LILRB4: variants seen among roughly 807,000 people sequenced by gnomAD.
LILRB4 encodes the protein leukocyte immunoglobulin-like receptor subfamily B member 4.
A neutral mutation model predicts 55.2 loss-of-function variants in LILRB4; 49 were observed. The observed-to-expected ratio is 0.89, with a 90% confidence interval of 0.71 to 1.13. The LOEUF is 1.13. Among genes scored for constraint, LILRB4 ranks in the 50% most tolerant of loss-of-function variants. LILRB4 has a pLI of 0.00. For synonymous variants in LILRB4, 229 were observed against 213.8 expected (o/e 1.07, Z -0.62); for missense variants, 590 against 555.2 (o/e 1.06, Z -0.63).
In LILRB4 at chr19:54,666,161, T is replaced by C. The variant is rs185929341; in HGVS notation, c.875-79T>C. ...ATCCTTGCAAGTGTATTTTCAGGTT[T>C]CCTTTCCTCTTGACTTGCATGTGCA... On this transcript the variant is annotated intron_variant, in intron 7 of 11. Coordinates refer to ENST00000430952, the Ensembl canonical transcript of LILRB4. This position sits in a 1 kb window ranked among gnomAD's most constrained non-coding sequence, Gnocchi z 4.8. 1 of 1,404,572 alleles carries C rather than the reference T, an allele frequency of 7.1e-7. No homozygotes were observed. Among genetic ancestry groups the C allele is most frequent in the Non-Finnish European group, 9.7e-7 (1 of 1,030,442 alleles). The allele number at this position is 1,404,572 out of a possible 1,614,324, so 87.0% of individuals were successfully genotyped here.
rs2065302329 is a variant in LILRB4, at chr19:54,666,981, G to A, written c.1041+232G>A. 1 of 707,454 alleles carries A rather than the reference G, an allele frequency of 1.4e-6. No homozygotes were observed. The highest frequency in any genetic ancestry group is 2.6e-6 in the Non-Finnish European group (1 of 380,420). 43.8% of individuals were successfully genotyped at this position (707,454 alleles called of 1,614,324 possible). A position where few individuals can be genotyped will look rare whatever the true frequency, so the allele number is the denominator to read the frequency against. ...TCCTCATCCTCTGTTTGGCCATCTG[G>A]TTGTTAGAGAGCTCCCCAGGCCTCA... On this transcript the variant is annotated intron_variant, in intron 10 of 11. Transcript: ENST00000430952. This position sits in a 1 kb window ranked among gnomAD's most constrained non-coding sequence, Gnocchi z 4.8.
At chr19:54,664,963 G>C (rs1053415760) in intron 5 of LILRB4, 114 bp downstream of exon 5, 2 of 1,369,928 alleles carry the variant, frequency 1.5e-6, no homozygotes, top group Non-Finnish European at 2.1e-6. Context: ...GCTTCCACGG[G>C]TGTGGGAGTC....
In LILRB4 at chr19:54,663,527, T is replaced by C. The variant is rs774292600; in HGVS notation, c.35-5T>C. ...GCAAATCCCTCACAGGGAACTCTCTTCCAGGGCTGAGTCTGGGCCCCAGGA... is the reference window on the plus strand; with the variant it reads ...GCAAATCCCTCACAGGGAACTCTCTCCCAGGGCTGAGTCTGGGCCCCAGGA... On this transcript the variant is annotated splice_region_variant and splice_polypyrimidine_tract_variant and intron_variant, in intron 1 of 11. Coordinates refer to ENST00000430952, the Ensembl canonical transcript of LILRB4. The C allele has an allele frequency of 2.5e-6, 4 of 1,612,004 alleles. No individual in the cohort carries two copies. In the Admixed American group the frequency reaches 5.0e-5, roughly 20 times the overall value.
Position 54,665,720 on chromosome 19 carries a change from A to G in LILRB4, c.758-95A>G, listed in dbSNP as rs2065233423. 1 of 1,386,626 alleles carries G rather than the reference A, an allele frequency of 7.2e-7. No individual in the cohort carries two copies. 85.9% of individuals were successfully genotyped at this position (1,386,626 alleles called of 1,614,324 possible). On this transcript the variant is annotated intron_variant, in intron 6 of 11. Transcript: ENST00000430952. This position sits in a 1 kb window ranked among gnomAD's most constrained non-coding sequence, Gnocchi z 5.5. ...CACAACTGCTGTGAGGGTTGGAGGT[A>G]ATGAAAGAAAGACCCAGCACACACA...
Position 54,667,906 on chromosome 19 carries a change from TACGC to T in LILRB4, c.1232_1235del (p.Tyr411SerfsTer61), listed in dbSNP as rs2146422802. On this transcript the variant is annotated frameshift_variant, in exon 12 of 12. Transcript: ENST00000430952. LOFTEE classifies it high-confidence loss of function. ...ATCTGAAGCCCCCCAGGATGTGACC[TACGC>T]CCGGCTGCACAGCTTTACCCTCAGA... The T allele has an allele frequency of 1.9e-6, 3 of 1,599,902 alleles. No homozygotes were observed. In the East Asian group the frequency reaches 6.8e-5, roughly 36 times the overall value.
exon 4 of LILRB4, chr19:54,664,455 C>A (rs1292162910): frequency 1.2e-6 from 2 of 1,610,062 alleles, no homozygotes; most frequent in East Asian, 2.2e-5. Context: ...GCTGTCACAC[C>A]CCAGTGACCC....
Position 54,663,736 on chromosome 19 carries a change from C to A in LILRB4, c.71-18C>A. 10 of 1,613,220 alleles carry A rather than the reference C, an allele frequency of 6.2e-6. No individual in the cohort carries two copies. The highest frequency in any genetic ancestry group is 8.5e-6 in the Non-Finnish European group (10 of 1,179,660). On this transcript the variant is annotated intron_variant, in intron 2 of 11. Coordinates refer to ENST00000430952, the Ensembl canonical transcript of LILRB4. ...GGCTGAGGAAGGTCTTGGGATCCAG[C>A]CTCTGATTTTCTTCCAGGGCCCCTC...
At chr19:54,664,809 G>A in exon 5 of LILRB4, 1 of 1,595,484 alleles carries the variant, frequency 6.3e-7, no homozygotes, top group Non-Finnish European at 8.5e-7. Context: ...GATCCTTGGA[G>A]GGTCCCAGGC....
Position 54,666,376 on chromosome 19 carries a change from T to C in LILRB4, c.951-23T>C, listed in dbSNP as rs1186978856. On this transcript the variant is annotated intron_variant, in intron 8 of 11. Transcript: ENST00000430952. The surrounding 1 kb of genome is among the most constrained non-coding windows in gnomAD (Gnocchi z 4.8). ...CCCAACAGCCACCTCACTGTCCCCT[T>C]ACACTCCCGTATCCTCCCCCAGGTC... 5 of 1,613,390 alleles carry C rather than the reference T, an allele frequency of 3.1e-6. No individual in the cohort carries two copies. In the Admixed American group the frequency reaches 5.0e-5, roughly 16 times the overall value.
intron 2 of LILRB4, 71 bp downstream of exon 2, chr19:54,663,638 G>A: frequency 1.2e-6 from 2 of 1,612,144 alleles, no homozygotes; most frequent in Non-Finnish European, 8.5e-7. Flanking sequence ...GGGCAGCTGG[G>A]GGAGGAGACA....
downstream of LILRB4, chr19:54,668,518 C>T (rs1199150219): frequency 6.5e-6 from 1 of 153,864 alleles, no homozygotes; most frequent in Non-Finnish European, 1.4e-5. Context: ...CACAGCTTTA[C>T]AGAGGTGAAA....
In LILRB4 at chr19:54,666,597, G is replaced by T. The variant is rs2065275940; in HGVS notation, c.989-100G>T. 1 of 1,447,446 alleles carries T rather than the reference G, an allele frequency of 6.9e-7. No individual in the cohort carries two copies. Among genetic ancestry groups the T allele is most frequent in the African/African-American group, 1.4e-5 (1 of 71,306 alleles). 89.7% of individuals were successfully genotyped at this position (1,447,446 alleles called of 1,614,324 possible). A position where few individuals can be genotyped will look rare whatever the true frequency, so the allele number is the denominator to read the frequency against. On this transcript the variant is annotated intron_variant, in intron 9 of 11. Coordinates refer to ENST00000430952, the Ensembl canonical transcript of LILRB4. The surrounding 1 kb of genome is among the most constrained non-coding windows in gnomAD (Gnocchi z 4.8). ...CTCGGGGACATCACAGCCCCTCCCT[G>T]CGTTGCAGTGGCACTAATGGGAACA...
chr19:54,663,770 C>T (rs2065124856), exon 3 of LILRB4: 1 of 1,614,012 alleles, frequency 6.2e-7, no homozygotes, highest in African/African-American at 1.3e-5. Flanking sequence ...TCCCCAAACC[C>T]ACCCTCTGGG....
In LILRB4 at chr19:54,666,564, T is replaced by C. The variant is rs1311390100; in HGVS notation, c.988+128T>C. 7.0e-7 allele frequency: 1 copy of C among 1,433,156 alleles called. No homozygotes were observed. The highest frequency in any genetic ancestry group is 9.7e-7 in the Non-Finnish European group (1 of 1,029,734). The allele number at this position is 1,433,156 out of a possible 1,614,324, so 88.8% of individuals were successfully genotyped here. ...AGGGAGAAGTGGTCTGAACCCACAT[T>C]GTGGGACCTCGGGGACATCACAGCC... On this transcript the variant is annotated intron_variant, in intron 9 of 11. Transcript: ENST00000430952. The surrounding 1 kb of genome is among the most constrained non-coding windows in gnomAD (Gnocchi z 4.8).
At chr19:54,663,854 G>A in exon 3 of LILRB4, 1 of 1,614,158 alleles carries the variant, frequency 6.2e-7, no homozygotes, top group Admixed American at 1.7e-5. Flanking sequence ...AGGCTCGGGA[G>A]TACCGTCTGG....
rs761715729 is a variant in LILRB4 at position 54,667,940 on chromosome 19, AG to A, written c.1267del (p.Ala423GlnfsTer50). 1 of 1,613,596 alleles carries A rather than the reference AG, an allele frequency of 6.2e-7. No individual in the cohort carries two copies. On this transcript the variant is annotated frameshift_variant, in exon 12 of 12. Transcript: ENST00000430952. LOFTEE classifies it high-confidence loss of function. ...CTGCACAGCTTTACCCTCAGACAGA[AG>A]GCAACTGAGCCTCCTCCATCCCAGG...
exon 4 of LILRB4, chr19:54,664,244 G>C: frequency 3.7e-6 from 6 of 1,614,160 alleles, no homozygotes; most frequent in Non-Finnish European, 4.2e-6. Flanking sequence ...CCTCAGGAAA[G>C]AGCGTGACCC....
Position 54,664,979 on chromosome 19 carries a change from G to T in LILRB4, c.706+130G>T, listed in dbSNP as rs781175672. On this transcript the variant is annotated intron_variant, in intron 5 of 11. Transcript: ENST00000430952. ...CTTCCACGGGTGTGGGAGTCGGGCA[G>T]CGACTTGGGAGGCACCACAGGCTCC... 4.4e-6 allele frequency: 6 copies of T among 1,358,468 alleles called. No individual in the cohort carries two copies. In the African/African-American group the frequency reaches 8.6e-5, roughly 19 times the overall value. 84.2% of individuals were successfully genotyped at this position (1,358,468 alleles called of 1,614,324 possible).
chr19:54,666,024 A>C lies in LILRB4; in HGVS notation c.874+93A>C. 1 of 1,492,848 alleles carries C rather than the reference A, an allele frequency of 6.7e-7. No individual in the cohort carries two copies. Among genetic ancestry groups the C allele is most frequent in the Admixed American group, 2.0e-5 (1 of 48,824 alleles). 92.5% of individuals were successfully genotyped at this position (1,492,848 alleles called of 1,614,324 possible). ...CCAGATAGGAGAGGTCATCTTAGAAACTCTGCTCCAGAAATTCCCAGTGAG... is the reference window on the plus strand; with the variant it reads ...CCAGATAGGAGAGGTCATCTTAGAACCTCTGCTCCAGAAATTCCCAGTGAG... On this transcript the variant is annotated intron_variant, in intron 7 of 11. Coordinates refer to ENST00000430952, the Ensembl canonical transcript of LILRB4. This position sits in a 1 kb window ranked among gnomAD's most constrained non-coding sequence, Gnocchi z 4.8.
Sources: allele counts gnomAD v4.1 joint callset, GRCh38; gene constraint gnomAD v4.1.1; non-coding constraint Gnocchi (gnomAD v3.1); transcripts MANE v1.5; gene names NCBI Gene and HGNC (gene_info 2026-07-23, HGNC 2026-07-21).